The following CDH13 variants were observed in gnomAD, a reference collection of about 807,000 sequenced individuals.
The protein encoded by CDH13 is cadherin 13.
In CDH13, 24 loss-of-function variants were observed where a neutral mutation model predicts 63.8. The ratio of observed to expected loss-of-function variants is 0.38; its 90% CI spans 0.27 to 0.53. The LOEUF (loss-of-function observed/expected upper bound fraction) is 0.53, where lower values mean the gene tolerates loss of function less well. Ranked by LOEUF, CDH13 falls within the 20% of genes least tolerant of loss-of-function variation. The pLI is 0.85. For synonymous variants in CDH13, 503 were observed against 355.3 expected (o/e 1.42, Z -4.67); for missense variants, 1,049 against 903.1 (o/e 1.16, Z -2.07).
intron 7 of CDH13, among the ~76,000 whole-genome samples, chr16:83,554,205 C>T (rs2075561387): frequency 6.6e-6 from 1 of 151,854 alleles, no homozygotes; most frequent in South Asian, 2.1e-4. Flanking sequence ...AGAAAAGAAG[C>T]AGTGAACACT....
chr16:83,153,007 C>T lies in CDH13; in HGVS notation c.483+27506C>T, dbSNP rs144933770. Among the ~76,000 whole-genome samples, 290 of 152,298 alleles carry T rather than the reference C, an allele frequency of 1.9e-3. 2 individuals are homozygous for T. Among genetic ancestry groups the T allele is most frequent in the African/African-American group, 6.4e-3 (267 of 41,574 alleles). The stretch of plus-strand genomic sequence containing the variant: ...GACAGTAACCACCAAAAGCCGTAAC[C>T]GCTTAGTGGGTTCACCTTACCTGCT... On this transcript the variant is annotated intron_variant, in intron 4 of 13. Transcript: ENST00000567109.
intron 1 of CDH13, among the ~76,000 whole-genome samples, chr16:82,849,565 C>T (rs1159965010): frequency 6.6e-6 from 1 of 152,162 alleles, no homozygotes; most frequent in Non-Finnish European, 1.5e-5. Context: ...GAAGCTGCAG[C>T]AAGTCATCCA....
chr16:83,433,280 C>G (rs7198593), intron 6 of CDH13, among the ~76,000 whole-genome samples: 5,719 of 152,300 alleles, frequency 0.038, 118 homozygotes, highest in East Asian at 0.12. Context: ...CTCATAGCTT[C>G]AGTTTCCTCA....
intron 1 of CDH13, among the ~76,000 whole-genome samples, chr16:82,710,576 T>TATATATATATAA (rs1491551033): frequency 4.3e-5 from 5 of 117,628 alleles, no homozygotes; most frequent in South Asian, 2.5e-4. Context: ...TATATATATA[T>TATATATATATAA]AAATATATTT....
intron 7 of CDH13, among the ~76,000 whole-genome samples, chr16:83,526,304 G>T (rs1048157235): frequency 6.6e-6 from 1 of 152,162 alleles, no homozygotes; most frequent in Non-Finnish European, 1.5e-5. Context: ...ATAGCTTTGT[G>T]TTGTAGCCTC....
chr16:83,171,718 C>G, intron 4 of CDH13: 1 of 669,984 alleles, frequency 1.5e-6, no homozygotes, highest in Non-Finnish European at 2.6e-6. Context: ...CCCAGAACCT[C>G]TTCGTCTTTC....
At chr16:82,666,137 G>GT (rs1049032217) in intron 1 of CDH13, among the ~76,000 whole-genome samples, 3 of 152,048 alleles carry the variant, frequency 2.0e-5, no homozygotes, top group Non-Finnish European at 2.9e-5. Context: ...TCTCACGTCT[G>GT]TTTTTTTGCC....
rs537695215 is a variant in CDH13, at chr16:83,208,353, G to T, written c.484-8992G>T. On this transcript the variant is annotated intron_variant, in intron 4 of 13. Coordinates refer to ENST00000567109, the MANE Select transcript of CDH13 (RefSeq NM_001257.5). ...AATGGCTGTGTCTTCAATTTCAAAG[G>T]CATGGCAAGGACTAACCCACAGCTG... Among the ~76,000 whole-genome samples the T allele has an allele frequency of 9.3e-4, 142 of 152,244 alleles. 1 individual carries two copies. Among genetic ancestry groups the T allele is most frequent in the Non-Finnish European group, 1.6e-3 (107 of 68,036 alleles).
At chr16:83,561,446 AC>A (rs1263857884) in intron 7 of CDH13, among the ~76,000 whole-genome samples, 27 of 128,618 alleles carry the variant, frequency 2.1e-4, no homozygotes, top group African/African-American at 7.2e-4. Context: ...AAAAAAAAAA[AC>A]TTCAAGCAAG....
intron 4 of CDH13, among the ~76,000 whole-genome samples, chr16:83,152,235 A>T (rs1567881111): frequency 6.6e-6 from 1 of 152,208 alleles, no homozygotes. Context: ...AATGACTGTG[A>T]ACTAGTGCTC....
chr16:82,835,691 G>C (rs1241959284), intron 1 of CDH13, among the ~76,000 whole-genome samples: 8 of 152,158 alleles, frequency 5.3e-5, no homozygotes, highest in East Asian at 1.9e-4. Flanking sequence ...CCCTGCTCCT[G>C]TTCTCTAGAT....
At chr16:82,773,054 C>T (rs565461284) in intron 1 of CDH13, among the ~76,000 whole-genome samples, 1 of 152,300 alleles carries the variant, frequency 6.6e-6, no homozygotes, top group East Asian at 1.9e-4. Flanking sequence ...AAGGATAGAA[C>T]TCAAATCTCA....
intron 8 of CDH13, among the ~76,000 whole-genome samples, chr16:83,658,507 A>C (rs1241657970): frequency 2.9e-5 from 4 of 139,234 alleles, no homozygotes; most frequent in African/African-American, 8.2e-5. Flanking sequence ...GCAAGGTCCC[A>C]TGTCCTCACC....
chr16:83,743,838 C>A (rs1912311001), intron 10 of CDH13, among the ~76,000 whole-genome samples: 1 of 140,180 alleles, frequency 7.1e-6, no homozygotes, highest in Non-Finnish European at 1.5e-5. Context: ...TACCGGGCAC[C>A]GTCTGCGTCC....
intron 2 of CDH13, among the ~76,000 whole-genome samples, chr16:82,985,819 C>T (rs192220831): frequency 1.3e-5 from 2 of 152,258 alleles, no homozygotes; most frequent in South Asian, 2.1e-4. Context: ...GTACTGTTCT[C>T]ATGATAGTGA....
At chr16:82,733,020 A>G (rs2033481888) in intron 1 of CDH13, among the ~76,000 whole-genome samples, 1 of 152,194 alleles carries the variant, frequency 6.6e-6, no homozygotes, top group African/African-American at 2.4e-5. Context: ...ACATAAGGCA[A>G]ATGTCAGTAG....
At chr16:83,542,560 A>T (rs578043567) in intron 7 of CDH13, among the ~76,000 whole-genome samples, 6 of 152,180 alleles carry the variant, frequency 3.9e-5, no homozygotes, top group African/African-American at 1.4e-4. Context: ...GCAGAAATGT[A>T]TTCTCCCATG....
intron 5 of CDH13, among the ~76,000 whole-genome samples, chr16:83,262,056 A>C (rs190433472): frequency 1.5e-4 from 23 of 152,304 alleles, no homozygotes; most frequent in African/African-American, 5.5e-4. Flanking sequence ...TCACGCTGGC[A>C]CACTGAGAAG....
chr16:82,956,719 A>G (rs1202018066), intron 2 of CDH13, among the ~76,000 whole-genome samples: 6 of 152,204 alleles, frequency 3.9e-5, no homozygotes, highest in Admixed American at 3.3e-4. Flanking sequence ...ATCTCTTACT[A>G]TCCCTAGAAT....
Sources: allele counts gnomAD v4.1 joint callset (sites outside exome capture counted in the v4.1 genomes callset), GRCh38; gene constraint gnomAD v4.1.1; transcripts MANE v1.5; gene names NCBI Gene and HGNC (gene_info 2026-07-23, HGNC 2026-07-21).